Variants in ADAM7 observed in about 807,000 individuals in gnomAD.
ADAM7 encodes ADAM metallopeptidase domain 7.
In ADAM7, 97 loss-of-function variants were observed where a neutral mutation model predicts 102.9. The observed-to-expected ratio is 0.94, with a 90% confidence interval of 0.80 to 1.12. ADAM7 has a LOEUF of 1.12. Ranked by LOEUF, ADAM7 falls within the 50% of genes most tolerant of loss-of-function variation. The pLI is 0.00. For synonymous variants in ADAM7, 334 were observed against 304.4 expected, an observed-to-expected ratio of 1.10 and a Z score of -1.01; for missense variants, 991 against 908.7, an observed-to-expected ratio of 1.09 and a Z score of -1.16.
rs755405489 is a variant in ADAM7 at position 24,487,198 on chromosome 8, T to C, written c.972T>C (p.Pro324=). Residue 324 remains proline, a synonymous_variant, in exon 11 of 22, where the codon CCT becomes CCC. Transcript: ENST00000175238. ...YSTSIIKDLL[P]DTNIIANRMA... The stretch of plus-strand genomic sequence containing the variant: ...TGTTTTATCATCAGGATCTTTTACC[T>C]GACACAAACATAATTGCAAACAGAA... The C allele has an allele frequency of 1.2e-6, 2 of 1,613,586 alleles. No individual in the cohort carries two copies. Among genetic ancestry groups the C allele is most frequent in the Non-Finnish European group, 1.7e-6 (2 of 1,179,664 alleles).
At chr8:24,484,277 A>G (rs1030324397) in intron 9 of ADAM7, among the ~76,000 whole-genome samples, 51 of 152,212 alleles carry the variant, frequency 3.4e-4, no homozygotes, top group African/African-American at 1.2e-3. Context: ...CAAAAAAGGT[A>G]AAGACTGAAA....
At chr8:24,494,970 A>G (rs1563394688) in intron 16 of ADAM7, among the ~76,000 whole-genome samples, 1 of 152,182 alleles carries the variant, frequency 6.6e-6, no homozygotes, top group Admixed American at 6.5e-5. Flanking sequence ...TTCCAGCTCT[A>G]ACAGATGCCC....
At chr8:24,464,051 C>T (rs934157749) in intron 4 of ADAM7, 91 bp downstream of exon 4, 2 of 1,120,946 alleles carry the variant, frequency 1.8e-6, no homozygotes, top group African/African-American at 3.1e-5. Flanking sequence ...CAAGCTGTTT[C>T]AGAAAGTACT....
chr8:24,457,863 AGTGTGT>A (rs58099346), intron 3 of ADAM7, among the ~76,000 whole-genome samples: 10 of 147,978 alleles, frequency 6.8e-5, no homozygotes, highest in African/African-American at 2.2e-4. Context: ...TATGTGTGTG[AGTGTGT>A]GTGTGTGTGT....
At chr8:24,458,651 T>G (rs1024747521) in intron 3 of ADAM7, among the ~76,000 whole-genome samples, 1 of 152,102 alleles carries the variant, frequency 6.6e-6, no homozygotes, top group Non-Finnish European at 1.5e-5. Context: ...ATTTTTATAC[T>G]TTATTTTATG....
At chr8:24,445,413 C>A (rs1818519145) in intron 2 of ADAM7, among the ~76,000 whole-genome samples, 1 of 152,210 alleles carries the variant, frequency 6.6e-6, no homozygotes, top group African/African-American at 2.4e-5. Flanking sequence ...AGCTGACCCT[C>A]TTCAGATCCT....
chr8:24,449,619 A>G (rs1585851757), intron 3 of ADAM7, among the ~76,000 whole-genome samples: 1 of 152,126 alleles, frequency 6.6e-6, no homozygotes, highest in South Asian at 2.1e-4. Flanking sequence ...CTCTGATAGT[A>G]GTTTCTTTTG....
chr8:24,454,640 G>A (rs527824267), intron 3 of ADAM7, among the ~76,000 whole-genome samples: 62 of 152,202 alleles, frequency 4.1e-4, no homozygotes, highest in South Asian at 6.2e-4. Flanking sequence ...GCTTCTGCTC[G>A]TGCACGGTGC....
chr8:24,454,133 A>C (rs888296928), intron 3 of ADAM7, among the ~76,000 whole-genome samples: 1 of 152,198 alleles, frequency 6.6e-6, no homozygotes, highest in East Asian at 1.9e-4. Context: ...CAGTCTGCCC[A>C]TTCTCAGATC....
Position 24,465,708 on chromosome 8 carries a change from T to C in ADAM7, c.322T>C (p.Phe108Leu). 1 of 1,601,956 alleles carries C rather than the reference T, an allele frequency of 6.2e-7. No individual in the cohort carries two copies. Among genetic ancestry groups the C allele is most frequent in the Non-Finnish European group, 8.5e-7 (1 of 1,174,424 alleles). ...TCTTCTTCTATTTTAGGATCATTGT[T>C]TTTACCAAGGATCCATAGTACACGA... ...TRHPQIMDHC[F>L]YQGSIVHEYD... The change falls in exon 5 of 22, where the codon TTT (phenylalanine) becomes CTT (leucine). Residue 108 changes from phenylalanine to leucine, a missense_variant. Physicochemically the swap from Phe to Leu is conservative, Grantham distance 22 (BLOSUM62 0). Coordinates refer to ENST00000175238, the MANE Select transcript of ADAM7 (RefSeq NM_003817.4).
At chr8:24,474,684 A>G (rs1819711805) in intron 7 of ADAM7, among the ~76,000 whole-genome samples, 1 of 152,054 alleles carries the variant, frequency 6.6e-6, no homozygotes, top group Admixed American at 6.6e-5. Context: ...TGAGACCAGG[A>G]GTTTGAGACC....
At chr8:24,441,210 T>C (rs1818362793) in intron 1 of ADAM7, 50 bp downstream of exon 1, 6 of 1,546,472 alleles carry the variant, frequency 3.9e-6, no homozygotes, top group African/African-American at 1.4e-5. Context: ...TGTGAGGTTG[T>C]GTCTCTTTAG....
At chr8:24,444,210 G>C (rs1818470682) in intron 2 of ADAM7, among the ~76,000 whole-genome samples, 1 of 149,912 alleles carries the variant, frequency 6.7e-6, no homozygotes, top group Non-Finnish European at 1.5e-5. Context: ...GACATGAAGT[G>C]TAAATAAATA....
intron 16 of ADAM7, 30 bp downstream of exon 16, chr8:24,493,259 A>T: frequency 6.5e-7 from 1 of 1,543,284 alleles, no homozygotes; most frequent in South Asian, 1.3e-5. Flanking sequence ...TTTTATTAAA[A>T]CTTCTTAGTT....
intron 4 of ADAM7, among the ~76,000 whole-genome samples, chr8:24,465,197 A>G (rs1277845753): frequency 6.6e-6 from 1 of 152,144 alleles, no homozygotes; most frequent in Admixed American, 6.5e-5. Context: ...TGAGGGTGTG[A>G]GGTCCCTGGA....
chr8:24,490,574 T>G, intron 12 of ADAM7: 4 of 484,568 alleles, frequency 8.3e-6, no homozygotes, highest in East Asian at 3.4e-5. Flanking sequence ...ATTCTGTCAA[T>G]GAGAATCCAT....
chr8:24,509,408 C>G lies in ADAM7; in HGVS notation c.*862C>G, dbSNP rs1038216047. ...TTTCAGCTGCTTCTTACACAGATGC[C>G]TCTCAAGGTGTTCTTTTGTGTCCTC... On this transcript the variant is annotated 3_prime_UTR_variant, in exon 22 of 22. Coordinates refer to ENST00000175238, the MANE Select transcript of ADAM7 (RefSeq NM_003817.4). 3 of 985,376 alleles carry G rather than the reference C, an allele frequency of 3.0e-6. No homozygotes were observed. In the African/African-American group the frequency reaches 5.2e-5, roughly 17 times the overall value. The allele number at this position is 985,376 out of a possible 1,614,324, so 61.0% of individuals were successfully genotyped here. A position where few individuals can be genotyped will look rare whatever the true frequency, so the allele number is the denominator to read the frequency against.
intron 3 of ADAM7, among the ~76,000 whole-genome samples, chr8:24,455,623 C>A (rs527851708): frequency 6.6e-6 from 1 of 152,332 alleles, no homozygotes; most frequent in African/African-American, 2.4e-5. Context: ...CCAGGCTGGT[C>A]TGAAACTCTT....
At chr8:24,489,449 T>G (rs1820262261) in intron 12 of ADAM7, 116 bp downstream of exon 12, 3 of 1,011,094 alleles carry the variant, frequency 3.0e-6, no homozygotes, top group Admixed American at 3.5e-5. Flanking sequence ...CTTTTAAAAA[T>G]TTTGCTTTCC....
Sources: allele counts gnomAD v4.1 joint callset (sites outside exome capture counted in the v4.1 genomes callset), GRCh38; gene constraint gnomAD v4.1.1; transcripts MANE v1.5; gene names NCBI Gene and HGNC (gene_info 2026-07-23, HGNC 2026-07-21).